The following DIAPH2 variants were observed in gnomAD, a reference collection of about 807,000 sequenced individuals.
DIAPH2 encodes protein diaphanous homolog 2.
A neutral mutation model predicts 92.7 loss-of-function variants in DIAPH2; 35 were observed. That is an observed-to-expected ratio of 0.38 (90% CI 0.29 to 0.50). The LOEUF is 0.50. Among genes scored for constraint, DIAPH2 ranks in the 20% least tolerant of loss-of-function variants. DIAPH2 has a pLI of 0.94. For missense variants in DIAPH2, 701 were observed against 819.5 expected, an observed-to-expected ratio of 0.86 and a Z score of 1.77; for synonymous variants, 301 against 280.4, an observed-to-expected ratio of 1.07 and a Z score of -0.73.
intron 3 of DIAPH2, among the ~76,000 whole-genome samples, chrX:96,744,417 G>A (rs1328026518): frequency 1.8e-5 from 2 of 112,200 alleles, no homozygotes; most frequent in Non-Finnish European, 3.8e-5. Context: ...TTAAATTTAG[G>A]TACATAAAAA....
At chrX:97,047,101 A>G (rs956331100) in intron 17 of DIAPH2, among the ~76,000 whole-genome samples, 1 of 111,479 alleles carries the variant, frequency 9.0e-6, no homozygotes, top group Admixed American at 9.5e-5. Context: ...GTCAGTTGCT[A>G]CAGTCTTTAG....
chrX:96,797,921 A>G (rs986753535), intron 4 of DIAPH2, among the ~76,000 whole-genome samples: 2 of 112,842 alleles, frequency 1.8e-5, no homozygotes, highest in African/African-American at 6.4e-5. Flanking sequence ...ACAAATGTTT[A>G]TAGTCAGCTC....
chrX:97,044,743 A>G (rs1291376586), intron 17 of DIAPH2, among the ~76,000 whole-genome samples: 1 of 110,821 alleles, frequency 9.0e-6, no homozygotes, highest in Non-Finnish European at 1.9e-5. Context: ...ACCACTCTCG[A>G]CCTCATAGCT....
intron 4 of DIAPH2, among the ~76,000 whole-genome samples, chrX:96,870,346 C>T (rs1273883711): frequency 9.1e-6 from 1 of 110,104 alleles, no homozygotes; most frequent in Non-Finnish European, 1.9e-5. Context: ...ACTGCAAGCT[C>T]CACCTCCGGG....
chrX:96,760,428 C>T lies in DIAPH2; in HGVS notation c.447+2170C>T, dbSNP rs1403221991. ...ATGCTTTCTAGTTAGTCACAGCTTT[C>T]ATCTTGAGGTAGCAAAGTTAAGAGC... On this transcript the variant is annotated intron_variant, in intron 4 of 26. Transcript: ENST00000324765. Among the ~76,000 whole-genome samples the T allele has an allele frequency of 4.5e-5, 5 of 111,251 alleles. No homozygotes were observed. In the East Asian group the frequency reaches 1.4e-3, roughly 31 times the overall value.
rs371760873 is a variant in DIAPH2 at position 97,203,976 on chromosome X, G to C, written c.2720-43739G>C. Among the ~76,000 whole-genome samples the C allele has an allele frequency of 4.8e-4, 54 of 111,899 alleles. 1 individual carries two copies. Among genetic ancestry groups the C allele is most frequent in the African/African-American group, 1.6e-3 (50 of 30,885 alleles). ...GCACATGAAAAAGCTTATCTACCACGATCAAGTTGGCTTCATCCCTGGGAT... is the reference window on the plus strand; with the variant it reads ...GCACATGAAAAAGCTTATCTACCACCATCAAGTTGGCTTCATCCCTGGGAT... On this transcript the variant is annotated intron_variant, in intron 22 of 26. Coordinates refer to ENST00000324765, the MANE Select transcript of DIAPH2 (RefSeq NM_006729.5).
intron 24 of DIAPH2, 49 bp downstream of exon 24, chrX:97,348,329 G>A: frequency 9.6e-7 from 1 of 1,043,348 alleles, no homozygotes; most frequent in Non-Finnish European, 1.3e-6. Flanking sequence ...TTATATTTCT[G>A]AATGTTTTCC....
At position 97,139,374 on chromosome X, in the gene DIAPH2, G is replaced by A. The variant is rs377337753; in HGVS notation, c.2590-2291G>A. On this transcript the variant is annotated intron_variant, in intron 21 of 26. Transcript: ENST00000324765. ...TGGTCTAAGGCCTCTCACACATAGA[G>A]AAAGGTTTAAAAGACCACCCATTTG... is the stretch of plus-strand genomic sequence containing the variant. Among the ~76,000 whole-genome samples, 5 of 107,120 alleles carry A rather than the reference G, an allele frequency of 4.7e-5. No homozygotes were observed. The South Asian group carries it at 2.0e-3, about 43-fold the overall frequency. The allele number at this position is 107,120 out of a possible 115,157, so 93.0% of individuals were successfully genotyped here. A position where few individuals can be genotyped will look rare whatever the true frequency, so the allele number is the denominator to read the frequency against.
intron 22 of DIAPH2, among the ~76,000 whole-genome samples, chrX:97,168,102 T>C: frequency 9.2e-6 from 1 of 109,193 alleles, no homozygotes; most frequent in East Asian, 2.9e-4. Context: ...TTTTTTTTTT[T>C]TTGATGGAAT....
intron 1 of DIAPH2, among the ~76,000 whole-genome samples, chrX:96,692,709 G>T (rs2063804217): frequency 8.9e-6 from 1 of 112,108 alleles, no homozygotes; most frequent in Admixed American, 9.5e-5. Flanking sequence ...TTTGTGAAGT[G>T]GGGTGGGGCT....
At chrX:97,496,573 G>T (rs1216514056) in intron 26 of DIAPH2, among the ~76,000 whole-genome samples, 1 of 110,574 alleles carries the variant, frequency 9.0e-6, no homozygotes, top group Non-Finnish European at 1.9e-5. Flanking sequence ...CACAATGAAT[G>T]AATGAATATA....
chrX:97,207,308 C>A (rs12852459), intron 22 of DIAPH2, among the ~76,000 whole-genome samples: 47,495 of 110,485 alleles, frequency 0.43, 8,853 homozygotes, highest in Non-Finnish European at 0.59. Flanking sequence ...ATATTTTAAA[C>A]CCAAGTTAGA....
At chrX:97,269,751 A>T (rs375169662) in intron 23 of DIAPH2, among the ~76,000 whole-genome samples, 4,259 of 94,569 alleles carry the variant, frequency 0.045, 127 homozygotes, top group African/African-American at 0.11. Flanking sequence ...TACTATTTTT[A>T]TTTTTTTTTT....
At chrX:96,803,357 C>T (rs1219127185) in intron 4 of DIAPH2, among the ~76,000 whole-genome samples, 1 of 111,432 alleles carries the variant, frequency 9.0e-6, no homozygotes, top group Non-Finnish European at 1.9e-5. Context: ...ATGAGAGACC[C>T]TATATATCAA....
intron 21 of DIAPH2, among the ~76,000 whole-genome samples, chrX:97,118,363 A>G (rs972755595): frequency 9.0e-6 from 1 of 111,679 alleles, no homozygotes; most frequent in African/African-American, 3.3e-5. Context: ...GGTGTGGATT[A>G]TAAGAACACC....
At chrX:97,215,972 G>A (rs763640596) in intron 22 of DIAPH2, among the ~76,000 whole-genome samples, 1 of 111,874 alleles carries the variant, frequency 8.9e-6, no homozygotes, top group East Asian at 2.8e-4. Context: ...CTTTATTCGT[G>A]TGTCCGTTAA....
chrX:96,850,410 T>G (rs1328934529), intron 4 of DIAPH2, among the ~76,000 whole-genome samples: 3 of 111,989 alleles, frequency 2.7e-5, no homozygotes, highest in Non-Finnish European at 5.6e-5. Context: ...GTACGTAGTG[T>G]TTTTATTCCA....
chrX:97,332,538 T>C (rs1197345896), intron 23 of DIAPH2, among the ~76,000 whole-genome samples: 1 of 111,936 alleles, frequency 8.9e-6, no homozygotes, highest in Non-Finnish European at 1.9e-5. Flanking sequence ...AAAAGCATGA[T>C]TGGACACTAT....
At chrX:96,924,197 A>T (rs2065564792) in intron 9 of DIAPH2, among the ~76,000 whole-genome samples, 1 of 112,059 alleles carries the variant, frequency 8.9e-6, no homozygotes, top group African/African-American at 3.2e-5. Context: ...AAATTTGTGG[A>T]AATTAGCATT....
Sources: gnomAD v4.1 joint callset for allele counts (sites outside exome capture counted in the v4.1 genomes callset) on GRCh38, gnomAD v4.1.1 for gene constraint, MANE v1.5 for transcripts, NCBI Gene and HGNC (gene_info 2026-07-23, HGNC 2026-07-21) for gene names.